The following DNAH9 variants were observed in gnomAD, a reference collection of about 807,000 sequenced individuals.
DNAH9 encodes dynein axonemal heavy chain 9.
A neutral mutation model predicts 471.6 loss-of-function variants in DNAH9; 345 were observed. That is an observed-to-expected ratio of 0.73 (90% confidence interval 0.67 to 0.80). The LOEUF (loss-of-function observed/expected upper bound fraction) is 0.80, where lower values mean the gene tolerates loss of function less well. Ranked by LOEUF, DNAH9 falls within the 30% of genes least tolerant of loss-of-function variation. The pLI, the probability that DNAH9 is intolerant of heterozygous loss-of-function variation, is 0.00. For missense variants in DNAH9, 5,407 were observed against 5,609.2 expected (o/e 0.96, Z 1.15); for synonymous variants, 2,093 against 2,123.6 (o/e 0.99, Z 0.40).
At chr17:11,657,854 A>C (rs1198006521) in intron 14 of DNAH9, among the ~76,000 whole-genome samples, 1 of 151,728 alleles carries the variant, frequency 6.6e-6, no homozygotes, top group Non-Finnish European at 1.5e-5. Flanking sequence ...AAATATTAAT[A>C]AAAAATATAT....
In DNAH9 at chr17:11,757,630, A is replaced by C; in HGVS notation, c.6933A>C (p.Arg2311Ser). The change falls in exon 35 of 69, where the codon AGA (arginine) becomes AGC (serine). Residue 2311 changes from arginine to serine, a missense_variant. By Grantham distance (110) the Arg-to-Ser change is moderately radical. Coordinates refer to ENST00000262442, the MANE Select transcript of DNAH9 (RefSeq NM_001372.4). ...WIEKREIQTE[R>S]ANLTILFDKY... ...AGAAGAGGGAAATCCAGACAGAGAG[A>C]GCCAACTTAACCATTTTGTTCGACA... 1 of 1,614,196 alleles carries C rather than the reference A, an allele frequency of 6.2e-7. No homozygotes were observed. Among genetic ancestry groups the C allele is most frequent in the Non-Finnish European group, 8.5e-7 (1 of 1,180,028 alleles).
chr17:11,745,041 T>C lies in DNAH9; in HGVS notation c.6356T>C (p.Ile2119Thr), dbSNP rs1475892904. 2 of 1,614,138 alleles carry C rather than the reference T, an allele frequency of 1.2e-6. No homozygotes were observed. Among genetic ancestry groups the C allele is most frequent in the Non-Finnish European group, 1.7e-6 (2 of 1,179,970 alleles). The change falls in exon 31 of 69, where the codon ATA becomes ACA. Residue 2119 changes from isoleucine to threonine, a missense_variant. Transcript: ENST00000262442. ...PNFEALVRKAIVDLKLQAEDN... is the reference protein window; with the variant it reads ...PNFEALVRKATVDLKLQAEDN... ...TTCGAAGCTTTGGTTAGGAAGGCGA[T>C]AGTGGATCTGAAGCTCCAGGCTGAG...
intron 49 of DNAH9, among the ~76,000 whole-genome samples, chr17:11,852,110 G>A (rs969211515): frequency 6.6e-6 from 1 of 152,252 alleles, no homozygotes; most frequent in East Asian, 1.9e-4. Flanking sequence ...GAAATCCATT[G>A]CAAGAATGAA....
Position 11,962,677 on chromosome 17 carries a change from T to TCTGCTGCTG in DNAH9, c.13233+428_13233+436dup, listed in dbSNP as rs141341701. ...TCAAAAAATGTTGGAGTCAGCTATC[T>TCTGCTGCTG]CTGCTGCTGCTGCTGTGTGTCTGTC... is the stretch of plus-strand genomic sequence containing the variant. On this transcript the variant is annotated intron_variant, in intron 68 of 68. Transcript: ENST00000262442. The surrounding 1 kb of genome is among the most constrained non-coding windows in gnomAD (Gnocchi z 4.1). Among the ~76,000 whole-genome samples, 1,636 of 152,206 alleles carry TCTGCTGCTG rather than the reference T, an allele frequency of 0.011. 32 individuals carry two copies. The highest frequency in any genetic ancestry group is 0.037 in the African/African-American group (1,557 of 41,550).
At chr17:11,775,890 C>T (rs1186249230) in intron 38 of DNAH9, among the ~76,000 whole-genome samples, 2 of 152,140 alleles carry the variant, frequency 1.3e-5, no homozygotes, top group Non-Finnish European at 2.9e-5. Context: ...CCGCGCCGGG[C>T]CAATCAGATG....
chr17:11,900,184 C>T (rs543701453), intron 59 of DNAH9, among the ~76,000 whole-genome samples: 1 of 152,000 alleles, frequency 6.6e-6, no homozygotes, highest in East Asian at 1.9e-4. Context: ...AACTCCAGTC[C>T]CCCGGTGCCT....
At chr17:11,664,124 C>CA (rs1198487583) in intron 14 of DNAH9, among the ~76,000 whole-genome samples, 1 of 152,064 alleles carries the variant, frequency 6.6e-6, no homozygotes, top group East Asian at 1.9e-4. Flanking sequence ...CTGCAAATGA[C>CA]AAAGAGTAAA....
chr17:11,625,453 T>C (rs1016538385), intron 6 of DNAH9, among the ~76,000 whole-genome samples: 10 of 152,220 alleles, frequency 6.6e-5, no homozygotes, highest in African/African-American at 1.9e-4. Context: ...TAGGAGACCA[T>C]TGGCCACATA....
Position 11,632,604 on chromosome 17 carries a change from C to T in DNAH9, c.1536C>T (p.Val512=). 6.3e-7 allele frequency: 1 copy of T among 1,592,490 alleles called. No individual in the cohort carries two copies. The highest frequency in any genetic ancestry group is 8.6e-7 in the Non-Finnish European group (1 of 1,160,366). ...CTCTTCAGGACTTTGAAAATGACGT[C>T]TCTGAATTTAACCAGAAAGTAGAAG... ...YLQSTDFEND[V]SEFNQKVEDL... is the part of the protein sequence containing the mutation. Residue 512 remains valine (V), a synonymous_variant, in exon 8 of 69, where the codon GTC becomes GTT. Coordinates refer to ENST00000262442, the MANE Select transcript of DNAH9 (RefSeq NM_001372.4).
intron 64 of DNAH9, 63 bp from the exon 65 acceptor site, chr17:11,933,817 C>G (rs532267431): frequency 6.7e-7 from 1 of 1,497,586 alleles, no homozygotes; most frequent in East Asian, 2.3e-5. Context: ...AGATGGGAGG[C>G]CAGCCCCGAC....
intron 53 of DNAH9, among the ~76,000 whole-genome samples, 181 bp from the exon 54 acceptor site, chr17:11,879,897 G>A (rs1445307532): frequency 1.3e-5 from 2 of 152,108 alleles, no homozygotes; most frequent in Non-Finnish European, 2.9e-5. Flanking sequence ...TTCTAAAAGT[G>A]TATAGAATCA....
intron 49 of DNAH9, among the ~76,000 whole-genome samples, chr17:11,849,423 C>T (rs1971335465): frequency 6.6e-6 from 1 of 152,218 alleles, no homozygotes; most frequent in African/African-American, 2.4e-5. Flanking sequence ...AAAATCCATA[C>T]TCCTCATACT....
At position 11,752,968 on chromosome 17, in the gene DNAH9, A is replaced by G. The variant is rs1967221765; in HGVS notation, c.6738+8A>G. On this transcript the variant is annotated splice_region_variant and intron_variant, in intron 33 of 68. Transcript: ENST00000262442. ...GTCATGGATGATAACAAGGTATGAA[A>G]TTGGGGGATATCCCTAGATCATTTC... The G allele has an allele frequency of 1.3e-6, 2 of 1,578,192 alleles. No individual in the cohort carries two copies. The highest frequency in any genetic ancestry group is 1.4e-5 in the African/African-American group (1 of 73,708).
intron 17 of DNAH9, among the ~76,000 whole-genome samples, chr17:11,673,006 A>ATTCCCTCCCT (rs2073995520): frequency 2.0e-5 from 3 of 151,834 alleles, no homozygotes; most frequent in African/African-American, 7.3e-5. Flanking sequence ...ATTCCCTCCC[A>ATTCCCTCCCT]TTCCCACCTT....
chr17:11,760,772 C>G (rs1967631862), intron 35 of DNAH9, among the ~76,000 whole-genome samples: 1 of 152,172 alleles, frequency 6.6e-6, no homozygotes, highest in Non-Finnish European at 1.5e-5. Flanking sequence ...CCCTCCTCGG[C>G]CTCCCAAAGT....
In DNAH9 at chr17:11,652,836, A is replaced by G; in HGVS notation, c.2429A>G (p.Asn810Ser). The G allele has an allele frequency of 6.2e-7, 1 of 1,614,016 alleles. No individual in the cohort carries two copies. Among genetic ancestry groups the G allele is most frequent in the South Asian group, 1.1e-5 (1 of 91,076 alleles). The change falls in exon 14 of 69, where the codon AAT (asparagine) becomes AGT (serine). Residue 810 changes from asparagine (N) to serine (S), a missense_variant. Coordinates refer to ENST00000262442, the MANE Select transcript of DNAH9 (RefSeq NM_001372.4). ...CAAAGAATTCAGAAAACTAAAGACA[A>G]TGTGGAAGAGATCCAAAACATCATG... ...LEQRIQKTKD[N>S]VEEIQNIMKT...
chr17:11,932,320 C>G lies in DNAH9; in HGVS notation c.12297+115C>G. 3.7e-6 allele frequency: 4 copies of G among 1,076,952 alleles called. No individual in the cohort carries two copies. The highest frequency in any genetic ancestry group is 5.2e-6 in the Non-Finnish European group (4 of 764,050). 66.7% of individuals were successfully genotyped at this position (1,076,952 alleles called of 1,614,324 possible). A position where few individuals can be genotyped will look rare whatever the true frequency, so the allele number is the denominator to read the frequency against. ...GGGGCCTGAGAATGTGCATTTCTAA[C>G]AAGCTCCCTCGTGATGCAGATGCTG... On this transcript the variant is annotated intron_variant, in intron 64 of 68. Coordinates refer to ENST00000262442, the MANE Select transcript of DNAH9 (RefSeq NM_001372.4). This position sits in a 1 kb window ranked among gnomAD's most constrained non-coding sequence, Gnocchi z 4.3.
intron 22 of DNAH9, among the ~76,000 whole-genome samples, chr17:11,697,310 G>T (rs999032138): frequency 2.0e-5 from 3 of 152,058 alleles, no homozygotes; most frequent in African/African-American, 7.2e-5. Context: ...AATGGTTAGG[G>T]TTAGAATTCA....
intron 61 of DNAH9, among the ~76,000 whole-genome samples, chr17:11,919,896 T>C (rs918659609): frequency 4.0e-5 from 6 of 151,830 alleles, no homozygotes; most frequent in African/African-American, 1.5e-4. Flanking sequence ...GGTAAAAAAA[T>C]TTAGGAAGTA....
Sources: gnomAD v4.1 joint callset for allele counts (sites outside exome capture counted in the v4.1 genomes callset) on GRCh38, gnomAD v4.1.1 for gene constraint, Gnocchi (gnomAD v3.1) non-coding constraint, MANE v1.5 for transcripts, NCBI Gene and HGNC (gene_info 2026-07-23, HGNC 2026-07-21) for gene names.